The following NUAK1 variants were observed in gnomAD, a reference collection of about 807,000 sequenced individuals.
The protein encoded by NUAK1 is NUAK family SNF1-like kinase 1.
A neutral mutation model predicts 56.9 loss-of-function variants in NUAK1; 26 were observed. The observed-to-expected ratio is 0.46, with a 90% CI of 0.33 to 0.63. The LOEUF (loss-of-function observed/expected upper bound fraction) is 0.63. NUAK1 is among the 30% of genes least tolerant of loss of function. NUAK1 has a pLI of 0.02. For synonymous variants in NUAK1, 337 were observed against 336.0 expected, an observed-to-expected ratio of 1.00 and a Z score of -0.03; for missense variants, 727 against 876.1, an observed-to-expected ratio of 0.83 and a Z score of 2.15.
At chr12:106,092,991 G>C (rs1356252497) in intron 2 of NUAK1, among the ~76,000 whole-genome samples, 1 of 152,190 alleles carries the variant, frequency 6.6e-6, no homozygotes, top group African/African-American at 2.4e-5. Context: ...ACATGTTAAA[G>C]GGAATACAAA....
chr12:106,073,673 C>A (rs1026485256), intron 4 of NUAK1, among the ~76,000 whole-genome samples: 2 of 152,076 alleles, frequency 1.3e-5, no homozygotes, highest in African/African-American at 4.8e-5. Context: ...CAAAAATTAG[C>A]CGGGCGTGGT....
chr12:106,076,644 G>A (rs2032468187), intron 4 of NUAK1, among the ~76,000 whole-genome samples: 2 of 152,062 alleles, frequency 1.3e-5, no homozygotes, highest in Admixed American at 1.3e-4. Flanking sequence ...TGAAAATTGG[G>A]GTTAGAAAGA....
chr12:106,131,296 C>A (rs2033076922), intron 1 of NUAK1, among the ~76,000 whole-genome samples: 1 of 152,118 alleles, frequency 6.6e-6, no homozygotes. Context: ...AATTTTAGAA[C>A]ATTTTCAGCA....
chr12:106,100,773 C>T (rs2032739703), intron 2 of NUAK1, among the ~76,000 whole-genome samples: 1 of 152,126 alleles, frequency 6.6e-6, no homozygotes, highest in South Asian at 2.1e-4. Context: ...TCTAAACATA[C>T]AGGGTTAGGC....
At chr12:106,079,516 C>T (rs2032495037) in intron 4 of NUAK1, among the ~76,000 whole-genome samples, 1 of 152,058 alleles carries the variant, frequency 6.6e-6, no homozygotes, top group Non-Finnish European at 1.5e-5. Context: ...CAAGCAGAGA[C>T]CCCAAAGAAG....
chr12:106,125,781 A>T (rs894928029), intron 1 of NUAK1, among the ~76,000 whole-genome samples: 6 of 152,026 alleles, frequency 3.9e-5, no homozygotes, highest in African/African-American at 1.5e-4. Flanking sequence ...AAAAACAGAT[A>T]CCCACTAACC....
chr12:106,117,409 A>G (rs1325339017), intron 1 of NUAK1, among the ~76,000 whole-genome samples: 2 of 152,094 alleles, frequency 1.3e-5, no homozygotes, highest in African/African-American at 4.8e-5. Flanking sequence ...AAACCAGAAA[A>G]CCGAGTCTCA....
rs760586653 is a variant in NUAK1 at position 106,138,592 on chromosome 12, C to A, written c.62G>T (p.Gly21Val). The A allele has an allele frequency of 6.3e-7, 1 of 1,581,388 alleles. No homozygotes were observed. The highest frequency in any genetic ancestry group is 8.5e-7 in the Non-Finnish European group (1 of 1,170,946). ...DRPDLGLGAP[G>V]SPREAVAGAT... ...CCCCGCCACCGCCTCTCGGGGAGAG[C>A]CCGGCGCCCCCAGCCCCAAGTCGGG... The change falls in exon 1 of 7, where the codon GGC (glycine) becomes GTC (valine). Residue 21 changes from glycine (G) to valine (V), a missense_variant. Gly to Val is a moderately radical substitution (Grantham distance 109). Transcript: ENST00000261402. This position sits in a 1 kb window ranked among gnomAD's most constrained non-coding sequence, Gnocchi z 5.0.
chr12:106,072,596 A>G (rs1311960460), intron 5 of NUAK1, 128 bp downstream of exon 5: 5 of 1,055,454 alleles, frequency 4.7e-6, no homozygotes, highest in Admixed American at 2.5e-5. Flanking sequence ...TAATCGTATA[A>G]GGAAACGTTT....
At position 106,066,612 on chromosome 12, in the gene NUAK1, A is replaced by G. The variant is rs1036382441; in HGVS notation, c.*190T>C. The G allele has an allele frequency of 5.5e-5, 34 of 623,110 alleles. No homozygotes were observed. The highest frequency in any genetic ancestry group is 5.0e-4 in the African/African-American group (27 of 54,536). The allele number at this position is 623,110 out of a possible 1,614,324, so 38.6% of individuals were successfully genotyped here. A position where few individuals can be genotyped will look rare whatever the true frequency, so the allele number is the denominator to read the frequency against. The stretch of plus-strand genomic sequence containing the variant: ...GCCCAAATTCTGACTGACAATTGAC[A>G]GAACTGGCAGAAGAGCCCACCTCTC... On this transcript the variant is annotated 3_prime_UTR_variant, in exon 7 of 7. Transcript: ENST00000261402.
intron 2 of NUAK1, among the ~76,000 whole-genome samples, chr12:106,091,630 C>A (rs2032637034): frequency 6.6e-6 from 1 of 152,282 alleles, no homozygotes; most frequent in Admixed American, 6.5e-5. Context: ...CAAGGAGCTG[C>A]AGGTGAGTCA....
chr12:106,129,150 T>A (rs2033052909), intron 1 of NUAK1, among the ~76,000 whole-genome samples: 1 of 151,836 alleles, frequency 6.6e-6, no homozygotes, highest in African/African-American at 2.4e-5. Flanking sequence ...GAGTGGGAAA[T>A]GGGTTTGGGA....
intron 1 of NUAK1, among the ~76,000 whole-genome samples, chr12:106,117,984 C>T (rs981031019): frequency 1.3e-5 from 2 of 152,166 alleles, no homozygotes; most frequent in Admixed American, 6.5e-5. Context: ...TGATGACTAT[C>T]GTAAGTCTTA....
chr12:106,068,109 C>T (rs891399373), intron 6 of NUAK1, among the ~76,000 whole-genome samples, 154 bp from the exon 7 acceptor site: 3 of 152,212 alleles, frequency 2.0e-5, no homozygotes, highest in Admixed American at 1.3e-4. Context: ...CAGGAAGCCC[C>T]AGCCTTTCAG....
At chr12:106,102,825 C>T (rs528987113) in intron 2 of NUAK1, among the ~76,000 whole-genome samples, 106 of 152,306 alleles carry the variant, frequency 7.0e-4, no homozygotes, top group Non-Finnish European at 1.1e-3. Context: ...GGACTGGAGG[C>T]TGAAGCTCAA....
intron 4 of NUAK1, among the ~76,000 whole-genome samples, chr12:106,075,724 A>G (rs1259200574): frequency 1.3e-5 from 2 of 152,284 alleles, no homozygotes; most frequent in Non-Finnish European, 2.9e-5. Flanking sequence ...GGAATTAAAT[A>G]ACTTTGAATA....
intron 4 of NUAK1, among the ~76,000 whole-genome samples, chr12:106,083,645 G>T (rs1328591235): frequency 8.5e-5 from 13 of 152,150 alleles, no homozygotes; most frequent in Admixed American, 7.9e-4. Flanking sequence ...ACCCAGGGAG[G>T]AAGAACAATG....
chr12:106,069,339 G>T (rs983022340), intron 6 of NUAK1, among the ~76,000 whole-genome samples: 2 of 152,116 alleles, frequency 1.3e-5, no homozygotes, highest in Admixed American at 1.3e-4. Context: ...TATACAAATT[G>T]TCCTTTTCTC....
At chr12:106,095,231 C>A (rs117362036) in intron 2 of NUAK1, among the ~76,000 whole-genome samples, 5 of 152,208 alleles carry the variant, frequency 3.3e-5, no homozygotes, top group African/African-American at 1.2e-4. Context: ...TTGATCAGAA[C>A]CTCTCACAAC....
Sources: allele counts gnomAD v4.1 joint callset (sites outside exome capture counted in the v4.1 genomes callset), GRCh38; gene constraint gnomAD v4.1.1; non-coding constraint Gnocchi (gnomAD v3.1); transcripts MANE v1.5; gene names NCBI Gene and HGNC (gene_info 2026-07-23, HGNC 2026-07-21).